The following MOV10L1 variants were observed in gnomAD, a reference collection of about 807,000 sequenced individuals.
The protein encoded by MOV10L1 is RNA helicase Mov10l1.
A neutral mutation model predicts 143.8 loss-of-function variants in MOV10L1; 110 were observed. That is an observed-to-expected ratio of 0.76 (90% CI 0.66 to 0.90). The LOEUF is 0.90. Among genes scored for constraint, MOV10L1 ranks in the 40% least tolerant of loss-of-function variants. The probability of loss-of-function intolerance (pLI) is 0.00; values close to 1 mark genes in which losing one functional copy is unlikely to be tolerated. For synonymous variants in MOV10L1, 593 were observed against 581.1 expected, an observed-to-expected ratio of 1.02 and a Z score of -0.29; for missense variants, 1,406 against 1,526.8, an observed-to-expected ratio of 0.92 and a Z score of 1.32.
At position 50,158,108 on chromosome 22, in the gene MOV10L1, G is replaced by C; in HGVS notation, c.3118G>C (p.Ala1040Pro). Residue 1040 changes from alanine (A) to proline (P), a missense_variant, in exon 23 of 27, where the codon GCC becomes CCC. Ala to Pro is a conservative substitution (Grantham distance 27). Coordinates refer to ENST00000262794, the MANE Select transcript of MOV10L1 (RefSeq NM_018995.3). This position sits in a 1 kb window ranked among gnomAD's most constrained non-coding sequence, Gnocchi z 5.0. ...CCCATCGTGGTTCAACCCGGCCGAG[G>C]CCGTCCAGGTCCTGCGCTACTGCTG... The part of the protein sequence containing the change: ...KSPSWFNPAE[A>P]VQVLRYCCLL... 1.2e-6 allele frequency: 2 copies of C among 1,614,150 alleles called. No homozygotes were observed. The highest frequency in any genetic ancestry group is 1.7e-6 in the Non-Finnish European group (2 of 1,180,014).
intron 5 of MOV10L1, among the ~76,000 whole-genome samples, chr22:50,110,318 C>G (rs11703632): frequency 0.23 from 33,956 of 146,668 alleles, 4,142 homozygotes; most frequent in Admixed American, 0.36. Context: ...GCGTGGTGGC[C>G]GGCGCCTGTA....
intron 26 of MOV10L1, 89 bp downstream of exon 26, chr22:50,161,144 C>A: frequency 7.5e-7 from 1 of 1,337,444 alleles, no homozygotes; most frequent in Non-Finnish European, 1.1e-6. Context: ...CCCCCATCCA[C>A]TTACCCACCT....
At chr22:50,144,977 T>C (rs2063107978) in intron 18 of MOV10L1, among the ~76,000 whole-genome samples, 1 of 148,738 alleles carries the variant, frequency 6.7e-6, no homozygotes, top group African/African-American at 2.5e-5. Flanking sequence ...GTTTTTGCTC[T>C]TGTTGCCCAG....
Position 50,152,974 on chromosome 22 carries a change from C to T in MOV10L1, c.2893-71C>T. 6.8e-7 allele frequency: 1 copy of T among 1,470,616 alleles called. No homozygotes were observed. Among genetic ancestry groups the T allele is most frequent in the South Asian group, 1.3e-5 (1 of 77,258 alleles). 91.1% of individuals were successfully genotyped at this position (1,470,616 alleles called of 1,614,324 possible). Reference sequence around the variant, plus strand: ...CAGGCCTCACGTTTGCTGTGCAGAGCCGCTTTTCGTTCGACAGAAACTGTG... The same window carrying T: ...CAGGCCTCACGTTTGCTGTGCAGAGTCGCTTTTCGTTCGACAGAAACTGTG... On this transcript the variant is annotated intron_variant, in intron 21 of 26. Transcript: ENST00000262794. The surrounding 1 kb of genome is among the most constrained non-coding windows in gnomAD (Gnocchi z 4.4).
intron 3 of MOV10L1, among the ~76,000 whole-genome samples, chr22:50,104,444 C>T (rs879320237): frequency 4.6e-5 from 7 of 152,188 alleles, no homozygotes; most frequent in Non-Finnish European, 1.0e-4. Context: ...CCTTTGGAGG[C>T]GTCTGTCCTT....
chr22:50,125,011 T>G (rs2062456550), intron 10 of MOV10L1, among the ~76,000 whole-genome samples: 1 of 152,258 alleles, frequency 6.6e-6, no homozygotes, highest in African/African-American at 2.4e-5. Context: ...TGGTCCTTGT[T>G]AGTCCACCTT....
intron 2 of MOV10L1, among the ~76,000 whole-genome samples, chr22:50,097,941 C>G (rs920027047): frequency 6.6e-6 from 1 of 152,210 alleles, no homozygotes; most frequent in African/African-American, 2.4e-5. Flanking sequence ...TCAAGCAATT[C>G]TCATGCCTCA....
intron 9 of MOV10L1, 29 bp from the exon 10 acceptor site, chr22:50,120,472 AT>A: frequency 7.0e-7 from 1 of 1,435,314 alleles, no homozygotes; most frequent in Non-Finnish European, 9.8e-7. Context: ...ATAAAGACTT[AT>A]TTTTAACTTG....
chr22:50,090,124 C>G lies in MOV10L1; in HGVS notation c.36C>G (p.Phe12Leu). 2.2e-6 allele frequency: 3 copies of G among 1,374,070 alleles called. No homozygotes were observed. The highest frequency in any genetic ancestry group is 2.8e-6 in the Non-Finnish European group (3 of 1,064,190). The allele number at this position is 1,374,070 out of a possible 1,614,324, so 85.1% of individuals were successfully genotyped here. The stretch of plus-strand genomic sequence containing the variant: ...TCGCAGCCAAGCTGGTGGCCTTCTT[C>G]TGGAGGACGGCGGACACCCCTAGGG... ...LSLAAKLVAF[F>L]WRTADTPREE... is the part of the protein sequence containing the mutation. Residue 12 changes from phenylalanine (F) to leucine (L), a missense_variant, in exon 1 of 27, where the codon TTC (phenylalanine) becomes TTG (leucine). Coordinates refer to ENST00000262794, the MANE Select transcript of MOV10L1 (RefSeq NM_018995.3).
intron 18 of MOV10L1, 21 bp downstream of exon 18, chr22:50,144,264 G>A (rs758846133): frequency 4.4e-6 from 7 of 1,582,042 alleles, no homozygotes; most frequent in Admixed American, 1.7e-5. Flanking sequence ...GGTGCAAGCA[G>A]TGGGGGGCAC....
At chr22:50,101,496 C>T (rs1049394554) in intron 3 of MOV10L1, among the ~76,000 whole-genome samples, 7 of 151,262 alleles carry the variant, frequency 4.6e-5, no homozygotes, top group Admixed American at 2.0e-4. Flanking sequence ...TGAGCCACTG[C>T]GCCTGACCTT....
At chr22:50,124,812 A>G (rs925517892) in intron 10 of MOV10L1, among the ~76,000 whole-genome samples, 3 of 152,192 alleles carry the variant, frequency 2.0e-5, no homozygotes, top group Non-Finnish European at 2.9e-5. Flanking sequence ...ACCATGCAGC[A>G]TCCCTGGGTC....
At chr22:50,100,238 C>T (rs2062704566) in intron 3 of MOV10L1, among the ~76,000 whole-genome samples, 1 of 152,168 alleles carries the variant, frequency 6.6e-6, no homozygotes, top group South Asian at 2.1e-4. Flanking sequence ...GGTGATCCAC[C>T]TGCCTCGGCC....
chr22:50,145,876 TTC>T lies in MOV10L1; in HGVS notation c.2627+68_2627+69del, dbSNP rs2063139335. 5.0e-6 allele frequency: 8 copies of T among 1,598,208 alleles called. No individual in the cohort carries two copies. In the African/African-American group the frequency reaches 9.4e-5, roughly 19 times the overall value. ...GCAGAGGTCGGAGTCCTCTCCTAGC[TTC>T]TGTCTGAGGGGCGGATGACCCAGAG... is the stretch of plus-strand genomic sequence containing the variant. On this transcript the variant is annotated intron_variant, in intron 19 of 26. Transcript: ENST00000262794.
chr22:50,133,796 G>A (rs1478175369), intron 13 of MOV10L1, among the ~76,000 whole-genome samples: 4 of 151,988 alleles, frequency 2.6e-5, no homozygotes, highest in African/African-American at 9.7e-5. Context: ...CACCCACCTC[G>A]GCCTCCCAAA....
In MOV10L1 at chr22:50,161,612, T is replaced by C; in HGVS notation, c.*163T>C. On this transcript the variant is annotated 3_prime_UTR_variant, in exon 27 of 27. Transcript: ENST00000262794. ...GACGCAGCTGCTGCTGCCCTGACTT[T>C]GGCATATGCCAGCCTGTTCCTGCCA... 4.5e-6 allele frequency: 3 copies of C among 662,090 alleles called. No homozygotes were observed. Among genetic ancestry groups the C allele is most frequent in the Non-Finnish European group, 7.5e-6 (3 of 398,970 alleles). The allele number at this position is 662,090 out of a possible 1,614,324, so 41.0% of individuals were successfully genotyped here.
intron 18 of MOV10L1, among the ~76,000 whole-genome samples, chr22:50,145,441 A>T (rs1186751701): frequency 6.6e-6 from 1 of 152,190 alleles, no homozygotes; most frequent in Non-Finnish European, 1.5e-5. Flanking sequence ...ATAAACAAAC[A>T]AACAAACTGA....
intron 15 of MOV10L1, among the ~76,000 whole-genome samples, chr22:50,140,802 A>T (rs2062963113): frequency 6.6e-6 from 1 of 151,696 alleles, no homozygotes; most frequent in African/African-American, 2.4e-5. Flanking sequence ...GGCTCACTGC[A>T]ACCTTGACCT....
rs1323523176 is a variant in MOV10L1, at chr22:50,126,233, C to A, written c.1779C>A (p.Tyr593Ter). 6.2e-7 allele frequency: 1 copy of A among 1,612,234 alleles called. No homozygotes were observed. The highest frequency in any genetic ancestry group is 8.5e-7 in the Non-Finnish European group (1 of 1,178,374). Residue 593 changes from tyrosine (Y) to a stop codon, truncating the protein, a stop_gained, in exon 12 of 27, where the codon TAC becomes TAA. Transcript: ENST00000262794. LOFTEE classifies it high-confidence loss of function. ...AACTGATTTTAAAAACTCAAGAGTA[C>A]AATGGACATGCCATCGAATACATCA... ...GDKLILKTQE[Y>*]NGHAIEYISY...
Sources: allele counts gnomAD v4.1 joint callset (sites outside exome capture counted in the v4.1 genomes callset), GRCh38; gene constraint gnomAD v4.1.1; non-coding constraint Gnocchi (gnomAD v3.1); transcripts MANE v1.5; gene names NCBI Gene and HGNC (gene_info 2026-07-23, HGNC 2026-07-21).